The following STPG1 variants were observed in gnomAD, a reference collection of about 807,000 sequenced individuals.
STPG1 encodes O(6)-methylguanine-induced apoptosis 2.
STPG1 carries 33 observed loss-of-function variants against 40.1 expected under a neutral mutation model. The observed-to-expected ratio is 0.82, with a 90% confidence interval of 0.62 to 1.10. STPG1 has a LOEUF of 1.10. Ranked by LOEUF, STPG1 falls within the 50% of genes least tolerant of loss-of-function variation. STPG1 has a pLI of 0.00. For missense variants in STPG1, 396 were observed against 415.1 expected (o/e 0.95, Z 0.40); for synonymous variants, 150 against 155.0 (o/e 0.97, Z 0.24).
At position 24,399,362 on chromosome 1, in the gene STPG1, T is replaced by A. The variant is rs973172633; in HGVS notation, c.70+1957A>T. Among the ~76,000 whole-genome samples, 22 of 152,140 alleles carry A rather than the reference T, an allele frequency of 1.4e-4. No homozygotes were observed. Among genetic ancestry groups the A allele is most frequent in the Non-Finnish European group, 2.9e-4 (20 of 68,000 alleles). On this transcript the variant is annotated intron_variant, in intron 2 of 8. Transcript: ENST00000337248. The surrounding 1 kb of genome is among the most constrained non-coding windows in gnomAD (Gnocchi z 4.0). Reference sequence around the variant, plus strand: ...TTCAATAAATGGTGCTGGGTCAACATGGAAAACAACAGACTCGGGCATCTT... The same window carrying A: ...TTCAATAAATGGTGCTGGGTCAACAAGGAAAACAACAGACTCGGGCATCTT...
chr1:24,387,086 C>A (rs962492335), intron 3 of STPG1, among the ~76,000 whole-genome samples: 3 of 152,182 alleles, frequency 2.0e-5, no homozygotes, highest in Non-Finnish European at 4.4e-5. Context: ...GAGTCACAAA[C>A]CTTCAGAGTG....
rs1641059040 is a variant in STPG1, at chr1:24,360,851, C to G, written c.928G>C (p.Ala310Pro). 1 of 1,609,168 alleles carries G rather than the reference C, an allele frequency of 6.2e-7. No individual in the cohort carries two copies. ...APPQPGLPGP[A>P]TYKPELPGKQ... ...CAATCATTTAAAACAATCCTCTGACCTGGGCCAGGCAGGCCTGGCTGAGGC... is the reference window on the plus strand; with the variant it reads ...CAATCATTTAAAACAATCCTCTGACGTGGGCCAGGCAGGCCTGGCTGAGGC... The change falls in exon 8 of 9, where the codon GCT (alanine) becomes CCT (proline). Residue 310 changes from alanine to proline, a missense_variant and splice_region_variant. Ala to Pro is a conservative substitution (Grantham distance 27). Coordinates refer to ENST00000337248, the MANE Select transcript of STPG1 (RefSeq NM_001199013.2).
intron 1 of STPG1, 70 bp downstream of exon 1, chr1:24,413,604 G>A (rs967507219): frequency 6.6e-6 from 1 of 152,310 alleles, no homozygotes; most frequent in African/African-American, 2.4e-5. Context: ...CCCATGCGGA[G>A]GACATGGTGC....
chr1:24,360,968 G>T lies in STPG1; in HGVS notation c.811C>A (p.Gln271Lys), dbSNP rs374239929. ...PPKPPFPGPG[Q>K]YEIVDYLGPR... The stretch of plus-strand genomic sequence containing the variant: ...CCTAAGTAGTCCACGATCTCATACT[G>T]ACCAGGACCTGGGAAAGGTGGCTTC... The change falls in exon 8 of 9, where the codon CAG becomes AAG. Residue 271 changes from glutamine (Q) to lysine (K), a missense_variant. Physicochemically the swap from Gln to Lys is moderately conservative, Grantham distance 53. Coordinates refer to ENST00000337248, the MANE Select transcript of STPG1 (RefSeq NM_001199013.2). The T allele has an allele frequency of 6.8e-6, 11 of 1,613,794 alleles. No homozygotes were observed. The African/African-American group carries it at 1.3e-4, about 20-fold the overall frequency.
intron 1 of STPG1, among the ~76,000 whole-genome samples, chr1:24,411,405 T>C (rs573433870): frequency 1.3e-5 from 2 of 152,298 alleles, no homozygotes; most frequent in South Asian, 4.1e-4. Flanking sequence ...ACTTGCTAAA[T>C]TTTGACATTT....
intron 1 of STPG1, among the ~76,000 whole-genome samples, chr1:24,406,753 T>G (rs925503799): frequency 6.6e-6 from 1 of 152,246 alleles, no homozygotes; most frequent in African/African-American, 2.4e-5. Flanking sequence ...TAATGCTTAT[T>G]TTGATTCCTC....
intron 5 of STPG1, among the ~76,000 whole-genome samples, chr1:24,375,744 A>G (rs1418519022): frequency 6.6e-6 from 1 of 152,194 alleles, no homozygotes; most frequent in Non-Finnish European, 1.5e-5. Context: ...CCTGAAAAAA[A>G]GCCACCTGTA....
At chr1:24,368,956 C>T (rs1413066149) in intron 7 of STPG1, 7 of 175,702 alleles carry the variant, frequency 4.0e-5, no homozygotes, top group East Asian at 1.6e-4. Flanking sequence ...TCGCCCACCT[C>T]GGCCTCCCAA....
In STPG1 at chr1:24,382,793, A is replaced by G. The variant is rs191365835; in HGVS notation, c.291+1109T>C. 1.2e-4 allele frequency among the ~76,000 whole-genome samples: 18 copies of G among 152,368 alleles called. 1 individual carries two copies. The South Asian group carries it at 2.5e-3, about 21-fold the overall frequency. On this transcript the variant is annotated intron_variant, in intron 4 of 8. Transcript: ENST00000337248. ...ATGGTCCCTTTGTGTGGTTAAAAAA[A>G]AAAATCAATTCCAATGTCAGGCATC... is the stretch of plus-strand genomic sequence containing the variant.
intron 5 of STPG1, chr1:24,379,298 A>C (rs1336307711): frequency 9.9e-6 from 2 of 201,568 alleles, no homozygotes; most frequent in Non-Finnish European, 2.0e-5. Context: ...AAGAACCTAA[A>C]AAGTAAATCA....
chr1:24,358,551 C>T lies in STPG1; in HGVS notation c.997G>A (p.Val333Ile). ...LYNEDKKWIP[V>I]L ...GACCTTGTGTGACATCCCTACAGAA[C>T]CGGGATCCATTTCTTGTCCTCGTTG... Residue 333 changes from valine (V) to isoleucine (I), a missense_variant, in exon 9 of 9, where the codon GTT becomes ATT. Physicochemically the swap from Val to Ile is conservative, Grantham distance 29. Coordinates refer to ENST00000337248, the MANE Select transcript of STPG1 (RefSeq NM_001199013.2). 6.2e-7 allele frequency: 1 copy of T among 1,613,622 alleles called. No homozygotes were observed. The highest frequency in any genetic ancestry group is 1.3e-5 in the African/African-American group (1 of 75,036).
At chr1:24,379,551 A>G in intron 5 of STPG1, 102 bp downstream of exon 5, 1 of 1,342,120 alleles carries the variant, frequency 7.5e-7, no homozygotes, top group Non-Finnish European at 1.1e-6. Context: ...AACTGGCTTG[A>G]CAACTGCATT....
At position 24,403,268 on chromosome 1, in the gene STPG1, G is replaced by C. The variant is rs1156882433; in HGVS notation, c.-68-1812C>G. On this transcript the variant is annotated intron_variant, in intron 1 of 8. Transcript: ENST00000337248. ...GGCACACTCATCAAAAATCTACTGTGTGTATGTGTTTATTTAGATATACAT... is the reference window on the plus strand; with the variant it reads ...GGCACACTCATCAAAAATCTACTGTCTGTATGTGTTTATTTAGATATACAT... Among the ~76,000 whole-genome samples, 4 of 152,228 alleles carry C rather than the reference G, an allele frequency of 2.6e-5. No individual in the cohort carries two copies. In the South Asian group the frequency reaches 8.3e-4, roughly 32 times the overall value.
At chr1:24,370,012 G>T (rs1475592767) in intron 6 of STPG1, among the ~76,000 whole-genome samples, 173 bp from the exon 7 acceptor site, 1 of 152,196 alleles carries the variant, frequency 6.6e-6, no homozygotes, top group Non-Finnish European at 1.5e-5. Context: ...GCAGAGAACA[G>T]ATGGCACGGG....
chr1:24,380,883 C>G (rs1642253647), intron 4 of STPG1, among the ~76,000 whole-genome samples: 1 of 152,314 alleles, frequency 6.6e-6, no homozygotes, highest in African/African-American at 2.4e-5. Context: ...AACTCGAATT[C>G]TAATAAGAAG....
At position 24,399,523 on chromosome 1, in the gene STPG1, TAA is replaced by T. The variant is rs1457599898; in HGVS notation, c.70+1794_70+1795del. Among the ~76,000 whole-genome samples the T allele has an allele frequency of 1.3e-5, 2 of 152,100 alleles. No individual in the cohort carries two copies. The highest frequency in any genetic ancestry group is 2.4e-5 in the African/African-American group (1 of 41,428). ...ATAAAATAGACATGTACACTAAACA[TAA>T]AGAGACTGATAAATTGGGCTATATT... On this transcript the variant is annotated intron_variant, in intron 2 of 8. Coordinates refer to ENST00000337248, the MANE Select transcript of STPG1 (RefSeq NM_001199013.2). The surrounding 1 kb of genome is among the most constrained non-coding windows in gnomAD (Gnocchi z 4.0).
At chr1:24,363,857 T>C (rs1178915150) in intron 7 of STPG1, among the ~76,000 whole-genome samples, 5 of 152,194 alleles carry the variant, frequency 3.3e-5, no homozygotes, top group Non-Finnish European at 7.3e-5. Flanking sequence ...GTAGCTGTTA[T>C]GGCAGGAATT....
chr1:24,408,124 C>T (rs1390700816), intron 1 of STPG1, among the ~76,000 whole-genome samples: 1 of 152,242 alleles, frequency 6.6e-6, no homozygotes, highest in Non-Finnish European at 1.5e-5. Flanking sequence ...TTTTCAGTAA[C>T]TTGTAGATCC....
intron 5 of STPG1, among the ~76,000 whole-genome samples, chr1:24,376,966 A>C (rs1023831504): frequency 5.3e-5 from 8 of 152,164 alleles, no homozygotes; most frequent in African/African-American, 1.7e-4. Flanking sequence ...CTTTTTAAAA[A>C]ATATGTCAGA....
Sources: gnomAD v4.1 joint callset for allele counts (sites outside exome capture counted in the v4.1 genomes callset) on GRCh38, gnomAD v4.1.1 for gene constraint, Gnocchi (gnomAD v3.1) non-coding constraint, MANE v1.5 for transcripts, NCBI Gene and HGNC (gene_info 2026-07-23, HGNC 2026-07-21) for gene names.